Variants in CCDC7 observed in about 807,000 individuals in gnomAD.
CCDC7 encodes coiled-coil domain-containing protein 7.
Under a neutral mutation model 196.9 loss-of-function variants are expected in CCDC7, and 183 were observed. That is an observed-to-expected ratio of 0.93 (90% CI 0.82 to 1.05). The LOEUF is 1.05. Ranked by LOEUF, CCDC7 falls within the 50% of genes least tolerant of loss-of-function variation. The pLI is 0.00. For synonymous variants in CCDC7, 525 were observed against 484.6 expected (o/e 1.08, Z -1.10); for missense variants, 1,540 against 1,482.2 (o/e 1.04, Z -0.64).
At chr10:32,458,501 A>T (rs1237941899) in intron 3 of CCDC7, among the ~76,000 whole-genome samples, 3 of 148,472 alleles carry the variant, frequency 2.0e-5, no homozygotes, top group Non-Finnish European at 4.5e-5. Context: ...TTTTTTTTAA[A>T]GAGACAAGGT....
At chr10:32,648,871 A>G (rs371981385) in intron 20 of CCDC7, among the ~76,000 whole-genome samples, 11 of 152,278 alleles carry the variant, frequency 7.2e-5, no homozygotes, top group African/African-American at 2.4e-4. Context: ...ATGTCGTTAC[A>G]GCACTATTTA....
At chr10:32,858,417 TCAA>T (rs1419255139) in intron 41 of CCDC7, among the ~76,000 whole-genome samples, 3 of 152,262 alleles carry the variant, frequency 2.0e-5, no homozygotes, top group Non-Finnish European at 4.4e-5. Context: ...CAAACTGAAT[TCAA>T]CAACAACAAT....
chr10:32,835,112 C>G (rs746177441), intron 33 of CCDC7, among the ~76,000 whole-genome samples: 4 of 152,056 alleles, frequency 2.6e-5, no homozygotes, highest in Admixed American at 6.6e-5. Flanking sequence ...GTAAAGTAAT[C>G]CATAAAAATG....
At chr10:32,462,849 A>G (rs990683088) in intron 4 of CCDC7, 146 bp downstream of exon 5, 5 of 1,265,704 alleles carry the variant, frequency 4.0e-6, no homozygotes, top group Admixed American at 2.7e-5. Context: ...GTTCATTTGT[A>G]TAGTGCATTA....
intron 25 of CCDC7, among the ~76,000 whole-genome samples, chr10:32,714,393 T>A (rs1368838237): frequency 1.3e-5 from 2 of 152,130 alleles, no homozygotes; most frequent in Non-Finnish European, 2.9e-5. Flanking sequence ...TTTCCCACAG[T>A]CTTCGCATCA....
chr10:32,603,560 T>G (rs887318723), intron 18 of CCDC7, among the ~76,000 whole-genome samples: 23 of 149,516 alleles, frequency 1.5e-4, no homozygotes, highest in Non-Finnish European at 3.0e-4. Context: ...CTAATTTACA[T>G]TCCCACCAGC....
chr10:32,459,635 C>T (rs1256678349), intron 3 of CCDC7, among the ~76,000 whole-genome samples: 2 of 141,244 alleles, frequency 1.4e-5, no homozygotes, highest in East Asian at 4.3e-4. Context: ...CTTTGGACTT[C>T]CCTGCTGCAC....
intron 16 of CCDC7, among the ~76,000 whole-genome samples, chr10:32,572,175 C>G (rs890052748): frequency 6.6e-6 from 1 of 152,082 alleles, no homozygotes; most frequent in Non-Finnish European, 1.5e-5. Context: ...TAGTGAGGAA[C>G]TAACCCTTAT....
rs2088761056 is a variant in CCDC7 at position 32,816,921 on chromosome 10, C to T, written c.3181+2468C>T. 2.0e-5 allele frequency among the ~76,000 whole-genome samples: 3 copies of T among 152,128 alleles called. No homozygotes were observed. In the South Asian group the frequency reaches 6.2e-4, roughly 32 times the overall value. ...CAGAAAAAACAGAAACTCTAAAAAT[C>T]AGAGTGCCTCTCCTCCTCCAAAGGA... On this transcript the variant is annotated intron_variant, in intron 31 of 41. Transcript: ENST00000639629.
chr10:32,873,339 C>T (rs976706763), intron 41 of CCDC7, among the ~76,000 whole-genome samples: 4 of 152,058 alleles, frequency 2.6e-5, no homozygotes, highest in African/African-American at 9.7e-5. Context: ...GCTACTGAGG[C>T]TTGTGCATTC....
At chr10:32,639,060 TG>T (rs1175370386) in intron 20 of CCDC7, among the ~76,000 whole-genome samples, 6 of 152,234 alleles carry the variant, frequency 3.9e-5, no homozygotes, top group Non-Finnish European at 8.8e-5. Context: ...TGTATTTCTG[TG>T]GGATCGCTGG....
intron 18 of CCDC7, among the ~76,000 whole-genome samples, chr10:32,617,988 T>C (rs1180189722): frequency 6.6e-6 from 1 of 151,944 alleles, no homozygotes; most frequent in Non-Finnish European, 1.5e-5. Flanking sequence ...TTATATAATG[T>C]CTTTCTTTGT....
chr10:32,709,742 C>T (rs1387840906), intron 24 of CCDC7, among the ~76,000 whole-genome samples: 2 of 152,112 alleles, frequency 1.3e-5, no homozygotes, highest in Admixed American at 1.3e-4. Flanking sequence ...CTGGGGACCC[C>T]AATCTAGATT....
chr10:32,721,587 C>T (rs1371289844), intron 25 of CCDC7, among the ~76,000 whole-genome samples: 1 of 152,066 alleles, frequency 6.6e-6, no homozygotes, highest in Non-Finnish European at 1.5e-5. Context: ...GCTGAATAGT[C>T]CCAATAGTCC....
chr10:32,846,699 TTAGAG>T (rs891889336), intron 37 of CCDC7, among the ~76,000 whole-genome samples: 27 of 152,318 alleles, frequency 1.8e-4, no homozygotes, highest in African/African-American at 6.3e-4. Context: ...TACAGTTACC[TTAGAG>T]TAGTCTCAAT....
intron 7 of CCDC7, among the ~76,000 whole-genome samples, chr10:32,473,277 A>G (rs545193278): frequency 3.5e-4 from 53 of 152,308 alleles, no homozygotes; most frequent in African/African-American, 1.1e-3. Flanking sequence ...GGTGAATAGG[A>G]TTTAGTCAAG....
rs553560382 is a variant in CCDC7 at position 32,514,273 on chromosome 10, T to G, written c.873-3672T>G. ...AGGGTGACCTTATTTGGAAACAGGG[T>G]TATTCCCGATATTATTAGTTGAGAT... On this transcript the variant is annotated intron_variant, in intron 9 of 41. Transcript: ENST00000639629. The G allele has an allele frequency of 6.6e-5, 10 of 152,338 alleles. No individual in the cohort carries two copies. In the South Asian group the frequency reaches 2.1e-3, roughly 32 times the overall value. 9.4% of individuals were successfully genotyped at this position (152,338 alleles called of 1,614,324 possible).
At chr10:32,483,612 G>A (rs2040414829) in intron 8 of CCDC7, among the ~76,000 whole-genome samples, 1 of 152,074 alleles carries the variant, frequency 6.6e-6, no homozygotes, top group Non-Finnish European at 1.5e-5. Context: ...TTTCTTCTAG[G>A]GTTTTTATGG....
At chr10:32,834,148 C>T (rs998801313) in intron 32 of CCDC7, among the ~76,000 whole-genome samples, 7 of 152,050 alleles carry the variant, frequency 4.6e-5, no homozygotes, top group African/African-American at 1.4e-4. Flanking sequence ...CAAAATTACC[C>T]ATTTCTTCCT....
Sources: gnomAD v4.1 joint callset for allele counts (sites outside exome capture counted in the v4.1 genomes callset) on GRCh38, gnomAD v4.1.1 for gene constraint, MANE v1.5 for transcripts, NCBI Gene and HGNC (gene_info 2026-07-23, HGNC 2026-07-21) for gene names.